BMPR1B: variants seen among roughly 807,000 people sequenced by gnomAD.
The protein encoded by BMPR1B is bone morphogenetic protein receptor type-1B.
BMPR1B carries 12 observed loss-of-function variants against 59.1 expected under a neutral mutation model. The observed-to-expected ratio is 0.20, with a 90% CI of 0.13 to 0.33. The LOEUF (loss-of-function observed/expected upper bound fraction) is 0.33, where lower values mean the gene tolerates loss of function less well. Ranked by LOEUF, BMPR1B falls within the 10% of genes least tolerant of loss-of-function variation. The pLI, the probability that BMPR1B is intolerant of heterozygous loss-of-function variation, is 1.00. For missense variants in BMPR1B, 550 were observed against 610.9 expected (o/e 0.90, Z 1.05); for synonymous variants, 237 against 207.3 (o/e 1.14, Z -1.23).
At chr4:95,038,986 C>T (rs1288230500) in intron 3 of BMPR1B, among the ~76,000 whole-genome samples, 1 of 152,142 alleles carries the variant, frequency 6.6e-6, no homozygotes, top group African/African-American at 2.4e-5. Flanking sequence ...CACTTTTCAG[C>T]TGGGTGTTTG....
chr4:95,087,456 T>C (rs1297232474), intron 3 of BMPR1B, among the ~76,000 whole-genome samples: 1 of 152,118 alleles, frequency 6.6e-6, no homozygotes, highest in Non-Finnish European at 1.5e-5. Flanking sequence ...CTCAGCCAGG[T>C]GCAGTGGCTC....
At chr4:94,935,178 C>A (rs879445621) in intron 2 of BMPR1B, among the ~76,000 whole-genome samples, 3 of 151,978 alleles carry the variant, frequency 2.0e-5, no homozygotes, top group African/African-American at 4.8e-5. Context: ...GCTTCAAGGG[C>A]AGTTTGCATT....
intron 2 of BMPR1B, among the ~76,000 whole-genome samples, chr4:94,954,641 A>G (rs925079713): frequency 6.6e-6 from 1 of 152,184 alleles, no homozygotes; most frequent in African/African-American, 2.4e-5. Context: ...CAGTCTTTCT[A>G]TTTATGAGCT....
intron 2 of BMPR1B, among the ~76,000 whole-genome samples, chr4:94,949,750 T>TA (rs1240223047): frequency 1.3e-5 from 2 of 152,178 alleles, no homozygotes; most frequent in South Asian, 4.1e-4. Flanking sequence ...ACAATAAACA[T>TA]ACGTGTGCAT....
chr4:95,053,739 C>T (rs1726702422), intron 3 of BMPR1B, among the ~76,000 whole-genome samples: 1 of 152,114 alleles, frequency 6.6e-6, no homozygotes, highest in Non-Finnish European at 1.5e-5. Flanking sequence ...CCAGCTTTGT[C>T]ACCAATTGAC....
chr4:95,022,601 G>T (rs1269367411), intron 3 of BMPR1B, among the ~76,000 whole-genome samples: 1 of 151,930 alleles, frequency 6.6e-6, no homozygotes, highest in African/African-American at 2.4e-5. Flanking sequence ...AATTTCATGT[G>T]CTGTGCCTAT....
chr4:94,968,648 C>A (rs1730652012), intron 2 of BMPR1B, among the ~76,000 whole-genome samples: 1 of 152,122 alleles, frequency 6.6e-6, no homozygotes, highest in Admixed American at 6.6e-5. Context: ...GTGGCAGGAA[C>A]ACAGCCTCTG....
chr4:94,841,346 C>T (rs1455309973), intron 1 of BMPR1B, among the ~76,000 whole-genome samples: 8 of 148,952 alleles, frequency 5.4e-5, no homozygotes, highest in Admixed American at 2.0e-4. Context: ...CAATGGCGGG[C>T]GCCCCTCCCC....
At position 94,940,321 on chromosome 4, in the gene BMPR1B, AT is replaced by A. The variant is rs910659456; in HGVS notation, c.-112-55711del. On this transcript the variant is annotated intron_variant, in intron 2 of 12. Coordinates refer to ENST00000515059, the MANE Select transcript of BMPR1B (RefSeq NM_001203.3). ...TTATGAGATATTTTTGCAATTTTTCATTTTTTTTAAGCTCACCACAGCTGTT... is the reference window on the plus strand; with the variant it reads ...TTATGAGATATTTTTGCAATTTTTCATTTTTTTAAGCTCACCACAGCTGTT... 5.3e-5 allele frequency among the ~76,000 whole-genome samples: 8 copies of A among 151,956 alleles called. No homozygotes were observed. In the East Asian group the frequency reaches 7.7e-4, roughly 15 times the overall value.
intron 3 of BMPR1B, among the ~76,000 whole-genome samples, chr4:95,057,491 C>T (rs774893468): frequency 3.9e-5 from 6 of 152,044 alleles, no homozygotes; most frequent in Admixed American, 6.6e-5. Flanking sequence ...GTGATCCACC[C>T]GCCTTGGCCT....
At chr4:94,906,841 C>G (rs1396017376) in intron 2 of BMPR1B, among the ~76,000 whole-genome samples, 1 of 152,020 alleles carries the variant, frequency 6.6e-6, no homozygotes, top group Non-Finnish European at 1.5e-5. Context: ...AGTTTAAAAA[C>G]AGTTCCTAAT....
intron 6 of BMPR1B, among the ~76,000 whole-genome samples, chr4:95,120,113 T>TAA (rs1385488766): frequency 6.6e-6 from 1 of 152,200 alleles, no homozygotes; most frequent in Non-Finnish European, 1.5e-5. Context: ...AGTGAGAACA[T>TAA]ACAGTATTTA....
At chr4:94,916,451 C>T (rs564627864) in intron 2 of BMPR1B, among the ~76,000 whole-genome samples, 1 of 152,270 alleles carries the variant, frequency 6.6e-6, no homozygotes, top group South Asian at 2.1e-4. Flanking sequence ...TATGCCTTAG[C>T]AAAGAACTTG....
chr4:94,842,321 G>A (rs6858143), intron 1 of BMPR1B, among the ~76,000 whole-genome samples: 4 of 151,814 alleles, frequency 2.6e-5, no homozygotes, highest in Non-Finnish European at 5.9e-5. Context: ...AAATCTTAAC[G>A]TACTGGAGTT....
At position 95,061,212 on chromosome 4, in the gene BMPR1B, A is replaced by ACACACAC. The variant is rs1560624940; in HGVS notation, c.-17-43191_-17-43190insACCACAC. ...ACACACACACACACACACACACACC[A>ACACACAC]CACACCCCTCCATTGAATATACATA... On this transcript the variant is annotated intron_variant, in intron 3 of 12. Coordinates refer to ENST00000515059, the MANE Select transcript of BMPR1B (RefSeq NM_001203.3). 2.0e-3 allele frequency among the ~76,000 whole-genome samples: 259 copies of ACACACAC among 131,704 alleles called. 1 individual carries two copies. The highest frequency in any genetic ancestry group is 4.2e-3 in the Admixed American group (53 of 12,708). The allele number at this position is 131,704 out of a possible 152,430, so 86.4% of individuals were successfully genotyped here.
At chr4:94,944,976 C>G (rs918081124) in intron 2 of BMPR1B, among the ~76,000 whole-genome samples, 1 of 152,106 alleles carries the variant, frequency 6.6e-6, no homozygotes, top group Non-Finnish European at 1.5e-5. Flanking sequence ...CAGCTCTATA[C>G]AAGTGATGGG....
intron 3 of BMPR1B, among the ~76,000 whole-genome samples, chr4:95,097,426 A>C (rs1043715307): frequency 4.6e-5 from 7 of 152,074 alleles, no homozygotes; most frequent in African/African-American, 1.7e-4. Context: ...CTGTTTTTAA[A>C]TATTTATTGA....
intron 1 of BMPR1B, among the ~76,000 whole-genome samples, chr4:94,856,772 G>A (rs1725774597): frequency 6.6e-6 from 1 of 152,194 alleles, no homozygotes; most frequent in Admixed American, 6.5e-5. Context: ...AACAACTTGG[G>A]ACCTAATTTA....
At chr4:94,911,844 G>T (rs1728284936) in intron 2 of BMPR1B, among the ~76,000 whole-genome samples, 1 of 152,066 alleles carries the variant, frequency 6.6e-6, no homozygotes, top group Non-Finnish European at 1.5e-5. Context: ...CCCAATTTGT[G>T]TATTTGCTAA....
Sources: allele counts gnomAD v4.1 joint callset (sites outside exome capture counted in the v4.1 genomes callset), GRCh38; gene constraint gnomAD v4.1.1; transcripts MANE v1.5; gene names NCBI Gene and HGNC (gene_info 2026-07-23, HGNC 2026-07-21).